Variants in BMPER observed in about 807,000 individuals in gnomAD.
BMPER encodes BMP binding endothelial regulator, also known as BMP-binding endothelial regulator protein.
A neutral mutation model predicts 87.3 loss-of-function variants in BMPER; 45 were observed. The ratio of observed to expected loss-of-function variants is 0.52; its 90% CI spans 0.41 to 0.66. The LOEUF (loss-of-function observed/expected upper bound fraction) is 0.66. BMPER is among the 30% of genes least tolerant of loss of function. The probability of loss-of-function intolerance (pLI) is 0.00; values close to 1 mark genes in which losing one functional copy is unlikely to be tolerated. For missense variants in BMPER, 784 were observed against 867.5 expected (o/e 0.90, Z 1.21); for synonymous variants, 326 against 316.2 (o/e 1.03, Z -0.33).
At chr7:34,061,213 A>T (rs1315421842) in intron 10 of BMPER, among the ~76,000 whole-genome samples, 1 of 152,188 alleles carries the variant, frequency 6.6e-6, no homozygotes, top group Non-Finnish European at 1.5e-5. Flanking sequence ...CTAAATGTTA[A>T]ACTTCTTCTA....
intron 2 of BMPER, among the ~76,000 whole-genome samples, chr7:33,909,616 C>T (rs1783905697): frequency 6.9e-6 from 1 of 145,118 alleles, no homozygotes; most frequent in East Asian, 2.0e-4. Flanking sequence ...TGTGTTGGTC[C>T]AGCCTTTTGG....
At position 33,943,764 on chromosome 7, in the gene BMPER, C is replaced by T. The variant is rs528010292; in HGVS notation, c.319+6376C>T. 2.9e-3 allele frequency among the ~76,000 whole-genome samples: 435 copies of T among 152,306 alleles called. 1 individual carries two copies. Among genetic ancestry groups the T allele is most frequent in the African/African-American group, 9.5e-3 (394 of 41,570 alleles). On this transcript the variant is annotated intron_variant, in intron 3 of 14. Transcript: ENST00000649409. ...CTGTTTGGATATCTTTGCCTTCCCT[C>T]ATTTCCATTCCATCTAACGGATTCC...
intron 13 of BMPER, among the ~76,000 whole-genome samples, chr7:34,103,016 A>G (rs1159966057): frequency 6.6e-6 from 1 of 152,172 alleles, no homozygotes; most frequent in Non-Finnish European, 1.5e-5. Flanking sequence ...CTTTCTGAGC[A>G]GAGTACAAAG....
intron 11 of BMPER, among the ~76,000 whole-genome samples, chr7:34,072,227 C>G (rs1353794859): frequency 1.3e-5 from 2 of 152,186 alleles, no homozygotes; most frequent in Non-Finnish European, 2.9e-5. Context: ...TTGGCATACA[C>G]TAGTTATTTT....
intron 7 of BMPER, among the ~76,000 whole-genome samples, chr7:34,047,291 A>G (rs1186958395): frequency 6.7e-6 from 1 of 150,260 alleles, no homozygotes; most frequent in Non-Finnish European, 1.5e-5. Flanking sequence ...TTATTTTTTT[A>G]TTTTTTTGAG....
chr7:34,099,106 C>T (rs1789609710), intron 13 of BMPER, among the ~76,000 whole-genome samples: 1 of 152,072 alleles, frequency 6.6e-6, no homozygotes, highest in African/African-American at 2.4e-5. Flanking sequence ...CTTTTGAGTG[C>T]TCACTATGTG....
At chr7:34,089,978 T>C (rs1389103652) in intron 13 of BMPER, among the ~76,000 whole-genome samples, 1 of 152,220 alleles carries the variant, frequency 6.6e-6, no homozygotes, top group East Asian at 1.9e-4. Context: ...CACAAATCAA[T>C]TTGACCCATT....
chr7:34,102,268 C>T (rs1018269868), intron 13 of BMPER, among the ~76,000 whole-genome samples: 1 of 152,132 alleles, frequency 6.6e-6, no homozygotes, highest in Non-Finnish European at 1.5e-5. Context: ...TCTTTTCTCC[C>T]AGAAACCCCA....
chr7:34,034,134 C>T (rs1474015388), intron 6 of BMPER, among the ~76,000 whole-genome samples: 3 of 152,122 alleles, frequency 2.0e-5, no homozygotes, highest in African/African-American at 7.2e-5. Flanking sequence ...TCCCTTCTGG[C>T]GTCTCAGCAT....
chr7:34,055,425 G>A (rs1255622467), intron 9 of BMPER, 122 bp downstream of exon 9: 3 of 1,173,464 alleles, frequency 2.6e-6, no homozygotes, highest in Non-Finnish European at 3.8e-6. Flanking sequence ...ATGTATATGT[G>A]TGCATATATT....
chr7:33,948,534 G>A (rs1784943681), intron 3 of BMPER, among the ~76,000 whole-genome samples: 1 of 152,216 alleles, frequency 6.6e-6, no homozygotes, highest in African/African-American at 2.4e-5. Context: ...TTGGTCTTCA[G>A]TGTTGGAGGA....
chr7:33,946,652 G>C lies in BMPER; in HGVS notation c.319+9264G>C, dbSNP rs118108942. Among the ~76,000 whole-genome samples, 135 of 152,316 alleles carry C rather than the reference G, an allele frequency of 8.9e-4. 2 individuals carry two copies. The East Asian group carries it at 0.024, about 27-fold the overall frequency. On this transcript the variant is annotated intron_variant, in intron 3 of 14. Transcript: ENST00000649409. ...GTTTTTGTTTGTTTGTTGATTGTTT[G>C]AGGAGGAGTAGAGGGGTCACACAAA...
chr7:34,022,027 A>C (rs923165803), intron 6 of BMPER, among the ~76,000 whole-genome samples: 1 of 152,020 alleles, frequency 6.6e-6, no homozygotes, highest in African/African-American at 2.4e-5. Flanking sequence ...TTTCTCAAAA[A>C]ATTTAATAAT....
chr7:34,097,822 C>T (rs1039020763), intron 13 of BMPER, among the ~76,000 whole-genome samples: 8 of 152,096 alleles, frequency 5.3e-5, no homozygotes, highest in Non-Finnish European at 5.9e-5. Context: ...TTTGAATGAA[C>T]AGGGCTTAGG....
At chr7:33,917,399 T>G (rs1046802170) in intron 2 of BMPER, among the ~76,000 whole-genome samples, 3 of 152,120 alleles carry the variant, frequency 2.0e-5, no homozygotes, top group South Asian at 2.1e-4. Context: ...TAATGAGCTT[T>G]CTTTCTTTCT....
intron 14 of BMPER, among the ~76,000 whole-genome samples, chr7:34,147,877 A>G (rs1477393184): frequency 6.6e-6 from 1 of 152,246 alleles, no homozygotes. Flanking sequence ...TACAAGTTTG[A>G]AAAAACAACT....
chr7:34,152,615 C>G (rs1015358988), intron 14 of BMPER, among the ~76,000 whole-genome samples: 2 of 152,064 alleles, frequency 1.3e-5, no homozygotes, highest in African/African-American at 2.4e-5. Flanking sequence ...ATTTAACACA[C>G]GATTACATTG....
At chr7:33,961,502 ACAGT>A (rs1183097996) in intron 3 of BMPER, among the ~76,000 whole-genome samples, 1 of 152,172 alleles carries the variant, frequency 6.6e-6, no homozygotes, top group African/African-American at 2.4e-5. Flanking sequence ...GCCAGGAGAA[ACAGT>A]CAGTGAGCCT....
Position 33,905,576 on chromosome 7 carries a change from C to T in BMPER, c.-38C>T, listed in dbSNP as rs764487260. On this transcript the variant is annotated 5_prime_UTR_variant, in exon 1 of 15. Transcript: ENST00000649409. Reference sequence around the variant, plus strand: ...CGGCAGCTGAGCAGAGGCGGCGGCGCGGGACCTGCAGTCGCCAGGGATTCC... The same window carrying T: ...CGGCAGCTGAGCAGAGGCGGCGGCGTGGGACCTGCAGTCGCCAGGGATTCC... 1.9e-6 allele frequency: 3 copies of T among 1,606,376 alleles called. No individual in the cohort carries two copies. The highest frequency in any genetic ancestry group is 2.5e-6 in the Non-Finnish European group (3 of 1,179,286).
Sources: allele counts gnomAD v4.1 joint callset (sites outside exome capture counted in the v4.1 genomes callset), GRCh38; gene constraint gnomAD v4.1.1; transcripts MANE v1.5; gene names NCBI Gene and HGNC (gene_info 2026-07-23, HGNC 2026-07-21).